EPHX2: variants seen among roughly 807,000 people sequenced by gnomAD.
EPHX2 encodes bifunctional epoxide hydrolase 2.
EPHX2 carries 74 observed loss-of-function variants against 78.7 expected under a neutral mutation model. The ratio of observed to expected loss-of-function variants is 0.94; its 90% CI spans 0.78 to 1.14. The LOEUF (loss-of-function observed/expected upper bound fraction) is 1.14, where lower values mean the gene tolerates loss of function less well. Ranked by LOEUF, EPHX2 falls within the 50% of genes most tolerant of loss-of-function variation. The probability of loss-of-function intolerance (pLI) is 0.00; values close to 1 mark genes in which losing one functional copy is unlikely to be tolerated. For synonymous variants in EPHX2, 251 were observed against 255.2 expected (o/e 0.98, Z 0.16); for missense variants, 715 against 702.5 (o/e 1.02, Z -0.20).
At chr8:27,530,452 G>T (rs1303804758) in intron 12 of EPHX2, among the ~76,000 whole-genome samples, 3 of 152,016 alleles carry the variant, frequency 2.0e-5, no homozygotes, top group Non-Finnish European at 4.4e-5. Flanking sequence ...AACTATTTTT[G>T]AATGTTTTTA....
At chr8:27,513,456 ATTAT>A (rs777389373) in intron 6 of EPHX2, among the ~76,000 whole-genome samples, 10 of 152,104 alleles carry the variant, frequency 6.6e-5, no homozygotes, top group African/African-American at 2.2e-4. Context: ...GTTTCAAGAG[ATTAT>A]TTATTTGACC....
chr8:27,543,006 T>C (rs1455884370), intron 16 of EPHX2, among the ~76,000 whole-genome samples: 98 of 99,616 alleles, frequency 9.8e-4, no homozygotes, highest in Admixed American at 1.7e-3. Context: ...TCCCATCCTC[T>C]CCCCCCCCCG....
intron 14 of EPHX2, 23 bp from the exon 15 acceptor site, chr8:27,540,531 T>G: frequency 1.2e-6 from 2 of 1,609,782 alleles, no homozygotes; most frequent in Non-Finnish European, 1.7e-6. Flanking sequence ...GATGGGAAAG[T>G]CAACAAGTGG....
chr8:27,538,757 T>A (rs1168364691), intron 14 of EPHX2, 65 bp downstream of exon 14: 9 of 1,559,244 alleles, frequency 5.8e-6, no homozygotes, highest in Non-Finnish European at 8.0e-6. Flanking sequence ...TGTTTCTGTC[T>A]CTGACTGCTA....
At chr8:27,546,854 A>T (rs1815584643), downstream of EPHX2, among the ~76,000 whole-genome samples, 1 of 152,150 alleles carries the variant, frequency 6.6e-6, no homozygotes, top group Non-Finnish European at 1.5e-5. Flanking sequence ...TGGCTACTTT[A>T]TAAAGAAAAG....
In EPHX2 at chr8:27,525,408, A is replaced by C; in HGVS notation, c.1105A>C (p.Met369Leu). The C allele has an allele frequency of 6.2e-7, 1 of 1,614,116 alleles. No individual in the cohort carries two copies. Among genetic ancestry groups the C allele is most frequent in the Non-Finnish European group, 8.5e-7 (1 of 1,180,032 alleles). Residue 369 changes from methionine to leucine, a missense_variant, in exon 12 of 19, where the codon ATG becomes CTG. Met to Leu is a conservative substitution (Grantham distance 15). Transcript: ENST00000521400. ...NTPFIPANPN[M>L]SPLESIKANP... ...TCCCTTCATACCAGCAAATCCCAAC[A>C]TGTCCCCTTTGGAGAGTATCAAAGC...
rs746428294 is a variant in EPHX2, at chr8:27,540,701, A to C, written c.1379+45A>C. 6.3e-6 allele frequency: 10 copies of C among 1,576,534 alleles called. No individual in the cohort carries two copies. The African/African-American group carries it at 1.3e-4, about 21-fold the overall frequency. On this transcript the variant is annotated intron_variant, in intron 15 of 18. Coordinates refer to ENST00000521400, the MANE Select transcript of EPHX2 (RefSeq NM_001979.6). ...CAGACACAGATGAGAGATGATCGAC[A>C]GATAGGGATCTTCAGCCCTCAGGGT... is the stretch of plus-strand genomic sequence containing the variant.
intron 9 of EPHX2, among the ~76,000 whole-genome samples, chr8:27,520,162 A>G (rs1814596669): frequency 6.8e-6 from 1 of 146,328 alleles, no homozygotes; most frequent in Non-Finnish European, 1.5e-5. Flanking sequence ...TTTTTTTTTA[A>G]TTTTATTTTT....
intron 12 of EPHX2, among the ~76,000 whole-genome samples, chr8:27,535,542 A>G (rs1377735025): frequency 6.6e-6 from 1 of 152,120 alleles, no homozygotes; most frequent in Non-Finnish European, 1.5e-5. Flanking sequence ...GTTTTCTCCT[A>G]AACTACGTCT....
intron 3 of EPHX2, 45 bp downstream of exon 3, chr8:27,503,808 C>G: frequency 6.3e-7 from 1 of 1,581,262 alleles, no homozygotes; most frequent in Non-Finnish European, 8.6e-7. Flanking sequence ...CCACCCAGAA[C>G]CCTCGGGAGC....
Position 27,531,133 on chromosome 8 carries a change from A to T in EPHX2, c.1171-5651A>T, listed in dbSNP as rs543245871. Among the ~76,000 whole-genome samples, 6 of 152,270 alleles carry T rather than the reference A, an allele frequency of 3.9e-5. No individual in the cohort carries two copies. In the South Asian group the frequency reaches 1.2e-3, roughly 32 times the overall value. ...GTTATTTTCATTGTCTTAAATTGGCAGTGTTGTGTTAGGTTGTGGTGAAAA... is the reference window on the plus strand; with the variant it reads ...GTTATTTTCATTGTCTTAAATTGGCTGTGTTGTGTTAGGTTGTGGTGAAAA... On this transcript the variant is annotated intron_variant, in intron 12 of 18. Transcript: ENST00000521400.
At chr8:27,526,521 G>GGTGTGGT (rs1814851972) in intron 12 of EPHX2, among the ~76,000 whole-genome samples, 1 of 152,200 alleles carries the variant, frequency 6.6e-6, no homozygotes, top group Non-Finnish European at 1.5e-5. Context: ...TGAGACTATG[G>GGTGTGGT]GTGTGGTGTG....
At chr8:27,521,993 T>A (rs113783555) in intron 10 of EPHX2, among the ~76,000 whole-genome samples, 1 of 152,190 alleles carries the variant, frequency 6.6e-6, no homozygotes, top group South Asian at 2.1e-4. Context: ...AGATTAAAGA[T>A]GCTTTGGGAC....
In EPHX2 at chr8:27,491,271, C is replaced by A. The variant is rs2234912; in HGVS notation, c.63C>A (p.Gly21=). Residue 21 remains glycine, a synonymous_variant, in exon 1 of 19, where the codon GGC becomes GGA. Transcript: ENST00000521400. ...DGVLALPAVF[G]VLGRTEEALA... is the part of the protein sequence containing the mutation. Reference sequence around the variant, plus strand: ...TGCTGGCGCTGCCAGCGGTGTTCGGCGTCCTCGGCCGCACGGAGGAGGCCC... The same window carrying A: ...TGCTGGCGCTGCCAGCGGTGTTCGGAGTCCTCGGCCGCACGGAGGAGGCCC... 10,143 of 1,578,248 alleles carry A rather than the reference C, an allele frequency of 6.4e-3. 37 individuals are homozygous for A. Among genetic ancestry groups the A allele is most frequent in the Non-Finnish European group, 7.7e-3 (8,995 of 1,171,618 alleles).
At chr8:27,521,577 G>T (rs760682904) in intron 10 of EPHX2, among the ~76,000 whole-genome samples, 1 of 152,204 alleles carries the variant, frequency 6.6e-6, no homozygotes, top group African/African-American at 2.4e-5. Flanking sequence ...CCAGCAGGGC[G>T]CTGTGCCTGA....
chr8:27,534,840 G>T (rs1481856774), intron 12 of EPHX2, among the ~76,000 whole-genome samples: 1 of 152,162 alleles, frequency 6.6e-6, no homozygotes, highest in Non-Finnish European at 1.5e-5. Context: ...CACATTCAAG[G>T]CTCTGCAGGA....
intron 15 of EPHX2, 85 bp downstream of exon 15, chr8:27,540,741 A>G (rs1412225452): frequency 1.4e-5 from 19 of 1,311,176 alleles, no homozygotes; most frequent in Non-Finnish European, 2.1e-5. Context: ...GGTGAGGCCC[A>G]GTTCTCCTCC....
intron 1 of EPHX2, 131 bp downstream of exon 1, chr8:27,491,440 G>A (rs766927588): frequency 5.4e-4 from 357 of 660,146 alleles, no homozygotes; most frequent in Non-Finnish European, 7.8e-4. Flanking sequence ...TGAAACTGAA[G>A]ACCTGGCCCT....
At chr8:27,517,651 A>C (rs1814504975) in intron 8 of EPHX2, among the ~76,000 whole-genome samples, 1 of 152,220 alleles carries the variant, frequency 6.6e-6, no homozygotes, top group Admixed American at 6.5e-5. Context: ...GAGAAAGGAC[A>C]CTCTCTTCAA....
Sources: allele counts gnomAD v4.1 joint callset (sites outside exome capture counted in the v4.1 genomes callset), GRCh38; gene constraint gnomAD v4.1.1; transcripts MANE v1.5; gene names NCBI Gene and HGNC (gene_info 2026-07-23, HGNC 2026-07-21).